SETD1B: variants seen among roughly 807,000 people sequenced by gnomAD.
The protein encoded by SETD1B is SET domain containing 1B, histone lysine methyltransferase.
SETD1B carries 7 observed loss-of-function variants against 148.0 expected under a neutral mutation model. That is an observed-to-expected ratio of 0.05 (90% CI 0.03 to 0.09). The LOEUF (loss-of-function observed/expected upper bound fraction) is 0.09. SETD1B is among the 10% of genes least tolerant of loss of function. The pLI is 1.00. For synonymous variants in SETD1B, 1,361 were observed against 1,186.5 expected (o/e 1.15, Z -3.02); for missense variants, 2,155 against 2,729.9 (o/e 0.79, Z 4.69).
rs757578120 is a variant in SETD1B at position 121,822,910 on chromosome 12, T to G, written c.4331T>G (p.Leu1444Arg). ...TTCTCCGAGCCCAGCGGGCCCTTGCTCCTGCCCGTCTGCCCACTCCCCACT... is the reference window on the plus strand; with the variant it reads ...TTCTCCGAGCCCAGCGGGCCCTTGCGCCTGCCCGTCTGCCCACTCCCCACT... The part of the protein sequence containing the change: ...PTFSEPSGPL[L>R]LPVCPLPTGR... The change falls in exon 12 of 17, where the codon CTC becomes CGC. Residue 1444 changes from leucine to arginine, a missense_variant. Physicochemically the swap from Leu to Arg is moderately radical, Grantham distance 102. Coordinates refer to ENST00000604567, the MANE Select transcript of SETD1B (RefSeq NM_001353345.2). 6.6e-7 allele frequency: 1 copy of G among 1,505,606 alleles called. No homozygotes were observed. The allele number at this position is 1,505,606 out of a possible 1,614,324, so 93.3% of individuals were successfully genotyped here. A position where few individuals can be genotyped will look rare whatever the true frequency, so the allele number is the denominator to read the frequency against.
At position 121,822,540 on chromosome 12, in the gene SETD1B, C is replaced by T. The variant is rs1486563593; in HGVS notation, c.3961C>T (p.Leu1321=). The change falls in exon 12 of 17, where the codon CTG becomes TTG. Residue 1321 remains leucine, a synonymous_variant. Transcript: ENST00000604567. ...GCCCCCTATGATGCTCCCCTTGCCG[C>T]TGCAACCACCATTGCCGCCCCCACG... The part of the protein sequence containing the change: ...PEPPMMLPLP[L]QPPLPPPRPP... The T allele has an allele frequency of 4.5e-6, 7 of 1,550,902 alleles. No individual in the cohort carries two copies. In the African/African-American group the frequency reaches 9.6e-5, roughly 21 times the overall value.
rs1008309247 is a variant in SETD1B, at chr12:121,814,461, C to T, written c.2246C>T (p.Pro749Leu). 28 of 1,447,582 alleles carry T rather than the reference C, an allele frequency of 1.9e-5. No homozygotes were observed. Among genetic ancestry groups the T allele is most frequent in the South Asian group, 1.0e-4 (7 of 68,344 alleles). The allele number at this position is 1,447,582 out of a possible 1,614,324, so 89.7% of individuals were successfully genotyped here. A position where few individuals can be genotyped will look rare whatever the true frequency, so the allele number is the denominator to read the frequency against. The change falls in exon 7 of 17, where the codon CCG becomes CTG. Residue 749 changes from proline to leucine, a missense_variant. Pro to Leu is a moderately conservative substitution (Grantham distance 98, BLOSUM62 -3). Coordinates refer to ENST00000604567, the MANE Select transcript of SETD1B (RefSeq NM_001353345.2). The stretch of plus-strand genomic sequence containing the variant: ...ATCCTGCCACCACTGCCCCCCTTTC[C>T]GCCGGGCCTGTTCCCTGTGATGCAG... Reference protein sequence around the residue: ...PPILPPLPPFPPGLFPVMQVD... With the variant: ...PPILPPLPPFLPGLFPVMQVD...
chr12:121,825,054 G>C, intron 12 of SETD1B, 146 bp from the exon 13 acceptor site: 1 of 737,322 alleles, frequency 1.4e-6, no homozygotes, highest in African/African-American at 1.8e-5. Context: ...TGGTCAGCGG[G>C]CAGCCACGTG....
intron 12 of SETD1B, among the ~76,000 whole-genome samples, 184 bp downstream of exon 12, chr12:121,823,933 T>C (rs1196249702): frequency 6.6e-6 from 1 of 152,152 alleles, no homozygotes; most frequent in Non-Finnish European, 1.5e-5. Flanking sequence ...GAGTGAATCA[T>C]TGGCACGTTT....
chr12:121,814,961 T>A, intron 7 of SETD1B, 31 bp downstream of exon 7: 1 of 1,506,260 alleles, frequency 6.6e-7, no homozygotes, highest in Non-Finnish European at 9.0e-7. Flanking sequence ...CTCTGCAGGG[T>A]GGCTGTGGAG....
At chr12:121,826,292 T>C (rs1480773523) in intron 13 of SETD1B, among the ~76,000 whole-genome samples, 1 of 151,996 alleles carries the variant, frequency 6.6e-6, no homozygotes, top group African/African-American at 2.4e-5. Context: ...GAAAATGCGA[T>C]GGAGAAAACA....
chr12:121,819,447 G>A lies in SETD1B; in HGVS notation c.3462G>A (p.Ser1154=), dbSNP rs1300630206. The A allele has an allele frequency of 9.7e-6, 15 of 1,552,050 alleles. No individual in the cohort carries two copies. Among genetic ancestry groups the A allele is most frequent in the Non-Finnish European group, 1.2e-5 (14 of 1,147,114 alleles). The change falls in exon 11 of 17, where the codon TCG becomes TCA. Residue 1154 remains serine (S), a synonymous_variant. Coordinates refer to ENST00000604567, the MANE Select transcript of SETD1B (RefSeq NM_001353345.2). ...TAACCTCCAAGGCCGAAGCCACGTC[G>A]TCCAGTGAGAGTTCCGAGTCTTCTG... is the stretch of plus-strand genomic sequence containing the variant. ...SIVTSKAEAT[S]SSESSESSEF...
upstream of SETD1B, chr12:121,800,846 A>ACCT (rs1875311248): frequency 1.3e-5 from 2 of 150,832 alleles, no homozygotes; most frequent in Non-Finnish European, 3.0e-5. Context: ...TCGGGGCCCG[A>ACCT]CCTGGCCGCG....
rs1422160047 is a variant in SETD1B at position 121,830,179 on chromosome 12, C to T, written c.5841C>T (p.Ile1947=). ...EEITYDYKFP[I]EDVKIPCLCG... is the part of the protein sequence containing the mutation. ...TTACCTATGACTATAAGTTCCCCATCGAGGACGTCAAGATCCCCTGCCTCT... is the reference window on the plus strand; with the variant it reads ...TTACCTATGACTATAAGTTCCCCATTGAGGACGTCAAGATCCCCTGCCTCT... Residue 1947 remains isoleucine (I), a synonymous_variant, in exon 17 of 17, where the codon ATC becomes ATT. Transcript: ENST00000604567. This position sits in a 1 kb window ranked among gnomAD's most constrained non-coding sequence, Gnocchi z 5.7. 7.7e-6 allele frequency: 12 copies of T among 1,551,372 alleles called. No homozygotes were observed. Among genetic ancestry groups the T allele is most frequent in the African/African-American group, 1.4e-5 (1 of 73,024 alleles).
chr12:121,824,979 CAA>C (rs780514725), intron 12 of SETD1B, among the ~76,000 whole-genome samples: 21 of 57,166 alleles, frequency 3.7e-4, no homozygotes, highest in Middle Eastern at 9.6e-3. Flanking sequence ...GACCCTGTCT[CAA>C]AAAAAAAAAA....
chr12:121,812,345 T>G (rs935287150), intron 6 of SETD1B, among the ~76,000 whole-genome samples: 1 of 152,178 alleles, frequency 6.6e-6, no homozygotes, highest in South Asian at 2.1e-4. Context: ...AGTCACTTAC[T>G]GGTTATGTGA....
chr12:121,801,136 C>G (rs1196110923), upstream of SETD1B: 1 of 152,194 alleles, frequency 6.6e-6, no homozygotes, highest in Non-Finnish European at 1.5e-5. Flanking sequence ...CTTCGCGTTG[C>G]CAGCGCAGGC....
At chr12:121,813,025 A>T (rs1480047646) in intron 6 of SETD1B, among the ~76,000 whole-genome samples, 2 of 148,794 alleles carry the variant, frequency 1.3e-5, no homozygotes, top group Admixed American at 6.7e-5. Context: ...CCCCACGCCC[A>T]TCCTTGACAC....
At position 121,805,739 on chromosome 12, in the gene SETD1B, A is replaced by G; in HGVS notation, c.274-96A>G. On this transcript the variant is annotated intron_variant, in intron 3 of 16. Coordinates refer to ENST00000604567, the MANE Select transcript of SETD1B (RefSeq NM_001353345.2). The surrounding 1 kb of genome is among the most constrained non-coding windows in gnomAD (Gnocchi z 4.2). ...GTTTTTTTACCCTTTATTGTTTTCAACGGGTGGGCGAGTTGCGGGCGGGGC... is the reference window on the plus strand; with the variant it reads ...GTTTTTTTACCCTTTATTGTTTTCAGCGGGTGGGCGAGTTGCGGGCGGGGC... The G allele has an allele frequency of 3.3e-6, 4 of 1,229,446 alleles. No homozygotes were observed. Among genetic ancestry groups the G allele is most frequent in the South Asian group, 3.3e-5 (2 of 60,324 alleles). 76.2% of individuals were successfully genotyped at this position (1,229,446 alleles called of 1,614,324 possible).
At chr12:121,795,694 T>G in the SETD1B span, 1 of 152,346 alleles carries the variant, frequency 6.6e-6, no homozygotes, top group Admixed American at 6.6e-5. Context: ...GGGGCCGAGG[T>G]TCCCCAGGAC....
rs1875932350 is a variant in SETD1B at position 121,809,885 on chromosome 12, G to A, written c.940G>A (p.Glu314Lys). The A allele has an allele frequency of 1.3e-6, 2 of 1,550,798 alleles. No individual in the cohort carries two copies. Among genetic ancestry groups the A allele is most frequent in the Non-Finnish European group, 1.7e-6 (2 of 1,146,960 alleles). Residue 314 changes from glutamate to lysine, a missense_variant, in exon 6 of 17, where the codon GAG becomes AAG. Glu to Lys is a moderately conservative substitution (Grantham distance 56). Transcript: ENST00000604567. ...AGTGACCTTCAAGGCCCGGCGCCAC[G>A]AGAGCAAGTTCACGGACGCCTACAA... ...PAVTFKARRH[E>K]SKFTDAYNRR...
At chr12:121,819,283 A>G in intron 10 of SETD1B, 121 bp from the exon 11 acceptor site, 2 of 1,494,398 alleles carry the variant, frequency 1.3e-6, no homozygotes, top group Non-Finnish European at 1.8e-6. Flanking sequence ...TGCCCCACAC[A>G]CATATCTGAG....
At chr12:121,794,079 G>A in the SETD1B span, 1 of 161,532 alleles carries the variant, frequency 6.2e-6, no homozygotes, top group Non-Finnish European at 1.3e-5. Flanking sequence ...GGTTCGAGAA[G>A]CCCCCGGCCT....
rs1037687770 is a variant in SETD1B, at chr12:121,805,541, A to G, written c.274-294A>G. Among the ~76,000 whole-genome samples the G allele has an allele frequency of 6.6e-6, 1 of 152,152 alleles. No homozygotes were observed. Among genetic ancestry groups the G allele is most frequent in the African/African-American group, 2.4e-5 (1 of 41,442 alleles). The stretch of plus-strand genomic sequence containing the variant: ...GAGGGGTCGCCCCTGACCCGGCAGC[A>G]GGAAGAGAAGGCCAGAAAGGGGGGT... On this transcript the variant is annotated intron_variant, in intron 3 of 16. Coordinates refer to ENST00000604567, the MANE Select transcript of SETD1B (RefSeq NM_001353345.2). This position sits in a 1 kb window ranked among gnomAD's most constrained non-coding sequence, Gnocchi z 4.2.
Sources: gnomAD v4.1 joint callset for allele counts (sites outside exome capture counted in the v4.1 genomes callset) on GRCh38, gnomAD v4.1.1 for gene constraint, Gnocchi (gnomAD v3.1) non-coding constraint, MANE v1.5 for transcripts, NCBI Gene and HGNC (gene_info 2026-07-23, HGNC 2026-07-21) for gene names.